Variants in ANKRD54 observed in about 807,000 individuals in gnomAD.
ANKRD54 encodes ankyrin repeat domain-containing protein 54.
Under a neutral mutation model 36.2 loss-of-function variants are expected in ANKRD54, and 26 were observed. The observed-to-expected ratio is 0.72, with a 90% CI of 0.53 to 1.00. The LOEUF (loss-of-function observed/expected upper bound fraction) is 1.00. Ranked by LOEUF, ANKRD54 falls within the 50% of genes least tolerant of loss-of-function variation. ANKRD54 has a pLI of 0.00. For missense variants in ANKRD54, 384 were observed against 424.3 expected, an observed-to-expected ratio of 0.91 and a Z score of 0.83; for synonymous variants, 209 against 188.4, an observed-to-expected ratio of 1.11 and a Z score of -0.89.
At position 37,830,857 on chromosome 22, in the gene ANKRD54, A is replaced by G. The variant is rs1297863051; in HGVS notation, c.*1086T>C. 6.6e-6 allele frequency: 1 copy of G among 152,248 alleles called. No individual in the cohort carries two copies. The highest frequency in any genetic ancestry group is 2.4e-5 in the African/African-American group (1 of 41,462). The allele number at this position is 152,248 out of a possible 1,614,324, so 9.4% of individuals were successfully genotyped here. A position where few individuals can be genotyped will look rare whatever the true frequency, so the allele number is the denominator to read the frequency against. On this transcript the variant is annotated 3_prime_UTR_variant, in exon 8 of 8. Coordinates refer to ENST00000215941, the MANE Select transcript of ANKRD54 (RefSeq NM_138797.4). ...GCAATAAATTACCACACACTTAGTG[A>G]CTTAAAACAACACAAATTTATTCCC...
chr22:37,833,779 G>T (rs769281000), intron 3 of ANKRD54, 24 bp from the exon 4 acceptor site: 47 of 1,611,566 alleles, frequency 2.9e-5, no homozygotes, highest in Non-Finnish European at 3.9e-5. Context: ...AACCCAAGAG[G>T]AGTTGTCGGA....
At position 37,843,959 on chromosome 22, in the gene ANKRD54, C is replaced by T. The variant is rs777762746; in HGVS notation, c.280G>A (p.Ala94Thr). The change falls in exon 1 of 8, where the codon GCT (alanine) becomes ACT (threonine). Residue 94 changes from alanine to threonine, a missense_variant. Physicochemically the swap from Ala to Thr is moderately conservative, Grantham distance 58. Coordinates refer to ENST00000215941, the MANE Select transcript of ANKRD54 (RefSeq NM_138797.4). ...CCGAGCCGCCGGTGGGGCCTGGCAG[C>T]GCGCCTCAGCCGGCCAGCGGGTATC... ...CKIPAGRLRR[A>T]ARPHRRLGPT... The T allele has an allele frequency of 7.1e-7, 1 of 1,400,264 alleles. No homozygotes were observed. The highest frequency in any genetic ancestry group is 9.3e-7 in the Non-Finnish European group (1 of 1,079,748). 86.7% of individuals were successfully genotyped at this position (1,400,264 alleles called of 1,614,324 possible).
chr22:37,839,836 G>C (rs750442533), intron 2 of ANKRD54, among the ~76,000 whole-genome samples: 11 of 152,212 alleles, frequency 7.2e-5, no homozygotes, highest in Non-Finnish European at 1.5e-4. Context: ...GCTAAGTTGA[G>C]TATTCACTCC....
At chr22:37,840,140 C>T (rs768978927) in intron 2 of ANKRD54, 47 bp downstream of exon 2, 2 of 1,612,426 alleles carry the variant, frequency 1.2e-6, no homozygotes, top group African/African-American at 1.3e-5. Context: ...TTTCCTTCCC[C>T]AACCAGCCCA....
At chr22:37,838,697 A>C in intron 2 of ANKRD54, 99 bp from the exon 3 acceptor site, 5 of 1,191,820 alleles carry the variant, frequency 4.2e-6, no homozygotes, top group Non-Finnish European at 5.9e-6. Flanking sequence ...GGGTGCCTCT[A>C]GACAAGACAT....
chr22:37,838,109 T>A (rs550120762), intron 3 of ANKRD54, among the ~76,000 whole-genome samples: 1 of 151,290 alleles, frequency 6.6e-6, no homozygotes, highest in East Asian at 1.9e-4. Context: ...CACTCCAGCC[T>A]GGGCGACAGA....
chr22:37,840,206 A>C lies in ANKRD54; in HGVS notation c.357T>G (p.Asn119Lys). The change falls in exon 2 of 8, where the codon AAT becomes AAG. Residue 119 changes from asparagine to lysine, a missense_variant. By Grantham distance (94) the Asn-to-Lys change is moderately conservative (BLOSUM62 0). This residue lies in a region of ANKRD54 where 10 missense variants were observed against 22.5 expected (regional missense o/e 0.44). Coordinates refer to ENST00000215941, the MANE Select transcript of ANKRD54 (RefSeq NM_138797.4). ...HALKRLRDSA[N>K]ANDVETVQQL... ...ACTCACCTGTTTCCACATCATTGGC[A>C]TTGGCCGAGTCCCTCAGTCTCTTCA... is the stretch of plus-strand genomic sequence containing the variant. The C allele has an allele frequency of 6.2e-7, 1 of 1,614,040 alleles. No individual in the cohort carries two copies. The highest frequency in any genetic ancestry group is 8.5e-7 in the Non-Finnish European group (1 of 1,179,918).
upstream of ANKRD54, among the ~76,000 whole-genome samples, chr22:37,845,430 A>C (rs1924781351): frequency 6.6e-6 from 1 of 152,232 alleles, no homozygotes; most frequent in South Asian, 2.1e-4. Flanking sequence ...TCTATAAAGT[A>C]GACAAGAAGG....
intron 3 of ANKRD54, among the ~76,000 whole-genome samples, chr22:37,837,643 T>C (rs1213835979): frequency 6.6e-6 from 1 of 152,222 alleles, no homozygotes; most frequent in Non-Finnish European, 1.5e-5. Flanking sequence ...GAGGGAAGAC[T>C]GTACTGATAT....
At chr22:37,835,785 GAC>G (rs1485926311) in intron 3 of ANKRD54, among the ~76,000 whole-genome samples, 1 of 152,114 alleles carries the variant, frequency 6.6e-6, no homozygotes, top group Non-Finnish European at 1.5e-5. Context: ...AAGCCTGGAT[GAC>G]AGAGTGAGAC....
intron 3 of ANKRD54, chr22:37,834,369 T>C (rs1259022075): frequency 1.3e-5 from 2 of 152,114 alleles, no homozygotes; most frequent in African/African-American, 4.8e-5. Flanking sequence ...CAGGCAAAGA[T>C]TTCTTAAATA....
chr22:37,841,342 A>G (rs8137935), intron 1 of ANKRD54, among the ~76,000 whole-genome samples: 7,704 of 152,112 alleles, frequency 0.051, 628 homozygotes, highest in African/African-American at 0.17. Context: ...CCTGGGCAAC[A>G]TGGTGAAACC....
At chr22:37,837,307 T>A (rs1569097613) in intron 3 of ANKRD54, among the ~76,000 whole-genome samples, 2 of 152,082 alleles carry the variant, frequency 1.3e-5, no homozygotes, top group African/African-American at 4.8e-5. Flanking sequence ...CATTCCTAGG[T>A]TTATAGAGGA....
intron 1 of ANKRD54, 34 bp downstream of exon 1, chr22:37,843,877 C>A: frequency 8.3e-7 from 1 of 1,198,316 alleles, no homozygotes; most frequent in Non-Finnish European, 1.0e-6. Flanking sequence ...CGGGCTGCCC[C>A]GCCCCGGGCC....
chr22:37,834,006 G>A (rs1923225051), intron 3 of ANKRD54: 5 of 454,322 alleles, frequency 1.1e-5, no homozygotes, highest in East Asian at 3.4e-5. Context: ...GAGATTTGAA[G>A]GGTTAAGTAA....
intron 2 of ANKRD54, among the ~76,000 whole-genome samples, chr22:37,839,238 C>T (rs1230612374): frequency 6.6e-6 from 1 of 152,072 alleles, no homozygotes; most frequent in African/African-American, 2.4e-5. Context: ...TAGCAGTTTG[C>T]AAGCCAGCCC....
upstream of ANKRD54, among the ~76,000 whole-genome samples, chr22:37,844,659 C>T (rs1468704712): frequency 6.6e-6 from 1 of 152,134 alleles, no homozygotes; most frequent in African/African-American, 2.4e-5. Flanking sequence ...CTGCAACCTC[C>T]GCCTCCTTGA....
intron 2 of ANKRD54, among the ~76,000 whole-genome samples, chr22:37,839,287 G>A (rs541242105): frequency 1.3e-5 from 2 of 152,246 alleles, no homozygotes; most frequent in East Asian, 1.9e-4. Context: ...AAGCCTTGAA[G>A]GATATTCATC....
chr22:37,832,486 C>T, intron 7 of ANKRD54, 151 bp downstream of exon 7: 1 of 664,484 alleles, frequency 1.5e-6, no homozygotes. Context: ...CTTCAGCCTC[C>T]CATAGCGTTG....
Sources: allele counts gnomAD v4.1 joint callset (sites outside exome capture counted in the v4.1 genomes callset), GRCh38; gene constraint gnomAD v4.1.1; regional missense constraint gnomAD v4.1.1; transcripts MANE v1.5; gene names NCBI Gene and HGNC (gene_info 2026-07-23, HGNC 2026-07-21).